TDRP: variants seen among roughly 807,000 people sequenced by gnomAD.
The protein encoded by TDRP is testis development-related protein.
TDRP carries 12 observed loss-of-function variants against 10.5 expected under a neutral mutation model. The ratio of observed to expected loss-of-function variants is 1.15; its 90% CI spans 0.73 to 1.86. The LOEUF is 1.86. TDRP is among the 40% of genes most tolerant of loss of function. The pLI, the probability that TDRP is intolerant of heterozygous loss-of-function variation, is 0.00. For missense variants in TDRP, 353 were observed against 229.2 expected (o/e 1.54, Z -3.49); for synonymous variants, 139 against 95.4 (o/e 1.46, Z -2.67).
At chr8:533,755 TC>T (rs1185861491) in intron 1 of TDRP, among the ~76,000 whole-genome samples, 3 of 151,862 alleles carry the variant, frequency 2.0e-5, no homozygotes, top group Non-Finnish European at 4.4e-5. Flanking sequence ...TCTATCCCCC[TC>T]CCCCGATCAC....
At chr8:536,681 T>C (rs147232477) in intron 1 of TDRP, among the ~76,000 whole-genome samples, 47 of 152,338 alleles carry the variant, frequency 3.1e-4, no homozygotes, top group African/African-American at 1.1e-3. Flanking sequence ...ATGCTGAATA[T>C]ATCAAATTTT....
chr8:522,115 G>A, intron 1 of TDRP, among the ~76,000 whole-genome samples: 1 of 151,992 alleles, frequency 6.6e-6, no homozygotes, highest in East Asian at 1.9e-4. Context: ...TTGTGTGTTT[G>A]GGATCTTTAG....
chr8:533,672 C>G lies in TDRP; in HGVS notation c.108+10978G>C, dbSNP rs145333612. On this transcript the variant is annotated intron_variant, in intron 1 of 2. Transcript: ENST00000324079. ...TTCAACATTCAGCTAAGAAATGAAG[C>G]CTCCACTCCTTAATGGGATTTTCCC... Among the ~76,000 whole-genome samples, 207 of 152,266 alleles carry G rather than the reference C, an allele frequency of 1.4e-3. 1 individual carries two copies. The highest frequency in any genetic ancestry group is 4.8e-3 in the African/African-American group (199 of 41,550).
intron 1 of TDRP, among the ~76,000 whole-genome samples, chr8:498,500 AACTT>A (rs1374360087): frequency 1.3e-5 from 2 of 152,104 alleles, no homozygotes; most frequent in Non-Finnish European, 2.9e-5. Flanking sequence ...TAAAGTAACT[AACTT>A]GTTTTTGATT....
upstream of TDRP, chr8:545,771 C>G (rs1356064364): frequency 6.8e-6 from 1 of 146,396 alleles, no homozygotes; most frequent in Non-Finnish European, 1.5e-5. Flanking sequence ...GCCGCGGGCT[C>G]GGCCCGGACT....
In TDRP at chr8:533,817, T is replaced by C. The variant is rs1802273880; in HGVS notation, c.108+10833A>G. On this transcript the variant is annotated intron_variant, in intron 1 of 2. Transcript: ENST00000324079. ...TATAGGGTAGGCAGATGTACACCGG[T>C]TCTCTTTCCTCGCAATGTTCTAGCG... Among the ~76,000 whole-genome samples the C allele has an allele frequency of 2.0e-5, 3 of 152,236 alleles. No homozygotes were observed. The South Asian group carries it at 6.2e-4, about 32-fold the overall frequency.
At chr8:523,838 A>G (rs1341426288) in intron 1 of TDRP, among the ~76,000 whole-genome samples, 3 of 152,186 alleles carry the variant, frequency 2.0e-5, no homozygotes, top group African/African-American at 4.8e-5. Context: ...GCTCCTGGAC[A>G]GCATCCCTAG....
At chr8:495,971 G>A (rs1801118109) in intron 1 of TDRP, among the ~76,000 whole-genome samples, 1 of 152,160 alleles carries the variant, frequency 6.6e-6, no homozygotes, top group South Asian at 2.1e-4. Context: ...TGTAGACGGG[G>A]GACAGGCCCT....
chr8:503,160 C>T (rs1049993569), intron 1 of TDRP, among the ~76,000 whole-genome samples: 6 of 151,976 alleles, frequency 3.9e-5, no homozygotes, highest in Non-Finnish European at 7.4e-5. Flanking sequence ...TCCAGAGCCA[C>T]GCATCAGAAC....
chr8:491,952 A>G lies in TDRP; in HGVS notation c.*447T>C, dbSNP rs191281517. 1.0e-4 allele frequency: 116 copies of G among 1,121,190 alleles called. No individual in the cohort carries two copies. In the African/African-American group the frequency reaches 1.7e-3, roughly 16 times the overall value. 69.5% of individuals were successfully genotyped at this position (1,121,190 alleles called of 1,614,324 possible). ...AATTTAACATAACTTTGGAAGATTC[A>G]TCTTACCTCCTGACTAATTTTCTAG... On this transcript the variant is annotated 3_prime_UTR_variant, in exon 3 of 3. Coordinates refer to ENST00000324079, the MANE Select transcript of TDRP (RefSeq NM_001384899.1).
At chr8:533,721 T>A (rs199835121) in intron 1 of TDRP, among the ~76,000 whole-genome samples, 2 of 152,300 alleles carry the variant, frequency 1.3e-5, no homozygotes, top group East Asian at 3.9e-4. Flanking sequence ...ACAGCCCTCC[T>A]GTGTCAGTTC....
chr8:501,290 G>C (rs919982410), intron 1 of TDRP, among the ~76,000 whole-genome samples: 1 of 152,144 alleles, frequency 6.6e-6, no homozygotes, highest in Non-Finnish European at 1.5e-5. Context: ...TACCAGTTCA[G>C]TCCAGAGTCC....
At chr8:539,668 C>T (rs913921114) in intron 1 of TDRP, among the ~76,000 whole-genome samples, 5 of 152,172 alleles carry the variant, frequency 3.3e-5, no homozygotes, top group African/African-American at 1.2e-4. Context: ...GCTATACAAG[C>T]AGGGAGAGAA....
intron 1 of TDRP, among the ~76,000 whole-genome samples, chr8:520,623 G>C (rs1032879225): frequency 3.3e-5 from 5 of 152,148 alleles, no homozygotes; most frequent in Admixed American, 2.6e-4. Context: ...TTGCTTTTTT[G>C]ATTGTAGCCA....
At chr8:530,490 T>G (rs1802162122) in intron 1 of TDRP, among the ~76,000 whole-genome samples, 1 of 152,160 alleles carries the variant, frequency 6.6e-6, no homozygotes, top group African/African-American at 2.4e-5. Context: ...ATGGACTGGC[T>G]TGGTACAGGA....
chr8:540,452 TC>T (rs1175570849), intron 1 of TDRP, among the ~76,000 whole-genome samples: 2 of 152,210 alleles, frequency 1.3e-5, no homozygotes, highest in African/African-American at 2.4e-5. Flanking sequence ...TAACAATGTT[TC>T]CCATTAGAAA....
chr8:521,396 A>AAC (rs1554462642), intron 1 of TDRP, among the ~76,000 whole-genome samples: 4 of 151,058 alleles, frequency 2.6e-5, no homozygotes, highest in Non-Finnish European at 4.4e-5. Context: ...CAGCCTGGGC[A>AAC]AGAGAGAGAG....
Position 490,407 on chromosome 8 carries a change from G to C in TDRP, c.*1992C>G, listed in dbSNP as rs1434225718. The C allele has an allele frequency of 6.6e-6, 1 of 152,180 alleles. No individual in the cohort carries two copies. Among genetic ancestry groups the C allele is most frequent in the Non-Finnish European group, 1.5e-5 (1 of 68,034 alleles). 9.4% of individuals were successfully genotyped at this position (152,180 alleles called of 1,614,324 possible). On this transcript the variant is annotated 3_prime_UTR_variant, in exon 3 of 3. Coordinates refer to ENST00000324079, the MANE Select transcript of TDRP (RefSeq NM_001384899.1). ...TGTGCGTCACAATTCTATGATTGAC[G>C]TGAGTTGCAGGCACTTAGCGTTCCA... is the stretch of plus-strand genomic sequence containing the variant.
intron 1 of TDRP, among the ~76,000 whole-genome samples, chr8:531,807 G>A (rs1802207593): frequency 6.6e-6 from 1 of 152,106 alleles, no homozygotes; most frequent in Non-Finnish European, 1.5e-5. Context: ...ATCTGGCAAA[G>A]AATAGCTAAA....
Sources: gnomAD v4.1 joint callset for allele counts (sites outside exome capture counted in the v4.1 genomes callset) on GRCh38, gnomAD v4.1.1 for gene constraint, MANE v1.5 for transcripts, NCBI Gene and HGNC (gene_info 2026-07-23, HGNC 2026-07-21) for gene names.